OLFM1: variants seen among roughly 807,000 people sequenced by gnomAD.
The protein encoded by OLFM1 is olfactomedin 1.
OLFM1 carries 9 observed loss-of-function variants against 49.7 expected under a neutral mutation model. The observed-to-expected ratio is 0.18, with a 90% confidence interval of 0.11 to 0.32. OLFM1 has a LOEUF of 0.32. Among genes scored for constraint, OLFM1 ranks in the 10% least tolerant of loss-of-function variants. The pLI is 1.00. For missense variants in OLFM1, 369 were observed against 661.8 expected, an observed-to-expected ratio of 0.56 and a Z score of 4.85; for synonymous variants, 240 against 271.8, an observed-to-expected ratio of 0.88 and a Z score of 1.15.
rs886652718 is a variant in OLFM1, at chr9:135,120,354, G to A, written c.*176G>A. On this transcript the variant is annotated 3_prime_UTR_variant, in exon 6 of 6. Transcript: ENST00000371793. ...CCGTGTTTCTCCCTTTCGAGCCGGC[G>A]GGCCACAGACGTCGGAAGAAACTCC... 5.2e-5 allele frequency: 34 copies of A among 651,412 alleles called. No individual in the cohort carries two copies. In the Admixed American group the frequency reaches 6.8e-4, roughly 13 times the overall value. 40.4% of individuals were successfully genotyped at this position (651,412 alleles called of 1,614,324 possible). A position where few individuals can be genotyped will look rare whatever the true frequency, so the allele number is the denominator to read the frequency against.
chr9:135,081,419 C>T (rs764697899), intron 1 of OLFM1, among the ~76,000 whole-genome samples: 22 of 152,276 alleles, frequency 1.4e-4, no homozygotes, highest in South Asian at 2.1e-4. Context: ...TGTGTGGACA[C>T]GTGCACGGCC....
At chr9:135,105,117 A>G (rs1359793493) in intron 4 of OLFM1, among the ~76,000 whole-genome samples, 5 of 152,252 alleles carry the variant, frequency 3.3e-5, no homozygotes, top group Non-Finnish European at 5.9e-5. Context: ...CCCCACTGCC[A>G]GGAAGCCTCC....
chr9:135,082,041 C>T (rs1213636983), intron 1 of OLFM1, among the ~76,000 whole-genome samples: 2 of 152,218 alleles, frequency 1.3e-5, no homozygotes, highest in African/African-American at 4.8e-5. Flanking sequence ...AAAGCTCACG[C>T]CCCTGCCTGG....
upstream of OLFM1, chr9:135,087,378 G>A (rs1421630760): frequency 3.2e-6 from 5 of 1,547,190 alleles, no homozygotes; most frequent in Non-Finnish European, 3.5e-6. Flanking sequence ...GTGAGGATGG[G>A]AGAAGCCCCG....
Position 135,088,013 on chromosome 9 carries a change from C to A in OLFM1, c.24C>A (p.Ile8=). 4 of 1,456,502 alleles carry A rather than the reference C, an allele frequency of 2.7e-6. No homozygotes were observed. Among genetic ancestry groups the A allele is most frequent in the South Asian group, 1.3e-5 (1 of 75,038 alleles). The allele number at this position is 1,456,502 out of a possible 1,614,324, so 90.2% of individuals were successfully genotyped here. ...CGATGTCGGTGCCGCTGCTCAAGAT[C>A]GGGGTCGTGCTGAGCACCATGGCCA... The part of the protein sequence containing the change: MSVPLLK[I]GVVLSTMAMI... Residue 8 remains isoleucine, a synonymous_variant, in exon 1 of 6, where the codon ATC becomes ATA. Coordinates refer to ENST00000371793, the MANE Select transcript of OLFM1 (RefSeq NM_001282611.2). The surrounding 1 kb of genome is among the most constrained non-coding windows in gnomAD (Gnocchi z 4.8).
At position 135,096,007 on chromosome 9, in the gene OLFM1, C is replaced by A; in HGVS notation, c.444C>A (p.Ala148=). The change falls in exon 3 of 6, where the codon GCC becomes GCA. Residue 148 remains alanine (A), a synonymous_variant. Coordinates refer to ENST00000371793, the MANE Select transcript of OLFM1 (RefSeq NM_001282611.2). Reference sequence around the variant, plus strand: ...AGGAGAGTCATAAGCAACACCTGGCCAGGCAGTTTAAGGTATGCATGTTCC... The same window carrying A: ...AGGAGAGTCATAAGCAACACCTGGCAAGGCAGTTTAAGGTATGCATGTTCC... ...QVEESHKQHL[A]RQFKAIKAKM... 6.2e-7 allele frequency: 1 copy of A among 1,606,970 alleles called. No homozygotes were observed. Among genetic ancestry groups the A allele is most frequent in the Non-Finnish European group, 8.5e-7 (1 of 1,175,846 alleles).
At chr9:135,111,184 C>T (rs1313566146) in intron 5 of OLFM1, among the ~76,000 whole-genome samples, 2 of 152,222 alleles carry the variant, frequency 1.3e-5, no homozygotes, top group African/African-American at 4.8e-5. Flanking sequence ...TTCGGAGAAG[C>T]CTGGTCCCCT....
At chr9:135,105,798 C>T (rs577306768) in intron 4 of OLFM1, 1 of 152,430 alleles carries the variant, frequency 6.6e-6, no homozygotes, top group Admixed American at 6.5e-5. Context: ...CCTCTACCCT[C>T]CCCAGGAAAG....
At chr9:135,095,197 C>G (rs1191036902) in intron 2 of OLFM1, 1 of 152,184 alleles carries the variant, frequency 6.6e-6, no homozygotes, top group Non-Finnish European at 1.5e-5. Context: ...GTGATTGATT[C>G]CTGACTCTAT....
At chr9:135,095,792 G>C in intron 2 of OLFM1, 72 bp from the exon 3 acceptor site, 2 of 1,544,788 alleles carry the variant, frequency 1.3e-6, no homozygotes, top group Non-Finnish European at 1.8e-6. Context: ...GGCAATGTCT[G>C]TACGAGCAGG....
Position 135,098,212 on chromosome 9 carries a change from G to T in OLFM1, c.457-74G>T. On this transcript the variant is annotated intron_variant, in intron 3 of 5. Coordinates refer to ENST00000371793, the MANE Select transcript of OLFM1 (RefSeq NM_001282611.2). The surrounding 1 kb of genome is among the most constrained non-coding windows in gnomAD (Gnocchi z 5.6). ...ATATACACACTTTCCCTCACCTAGGGAGAAGCCAGGCCAAGGCAGGGTGTG... is the reference window on the plus strand; with the variant it reads ...ATATACACACTTTCCCTCACCTAGGTAGAAGCCAGGCCAAGGCAGGGTGTG... 6.4e-7 allele frequency: 1 copy of T among 1,562,620 alleles called. No homozygotes were observed. Among genetic ancestry groups the T allele is most frequent in the Non-Finnish European group, 8.7e-7 (1 of 1,146,420 alleles).
Position 135,098,294 on chromosome 9 carries a change from AG to A in OLFM1, c.466del (p.Ala156ArgfsTer9). On this transcript the variant is annotated frameshift_variant, in exon 4 of 6. Transcript: ENST00000371793. LOFTEE classifies it high-confidence loss of function. The surrounding 1 kb of genome is among the most constrained non-coding windows in gnomAD (Gnocchi z 5.6). ...HLARQFKAIK[A>X]KMDELRPLIP... is the part of the protein sequence containing the mutation. Reference sequence around the variant, plus strand: ...TTATTTTAACCTTGCAGGCGATAAAAGCGAAAATGGATGAACTTAGGCCTTT... The same window carrying A: ...TTATTTTAACCTTGCAGGCGATAAAACGAAAATGGATGAACTTAGGCCTTT... The A allele has an allele frequency of 6.2e-7, 1 of 1,613,658 alleles. No individual in the cohort carries two copies.
At position 135,117,029 on chromosome 9, in the gene OLFM1, G is replaced by A. The variant is rs1831105633; in HGVS notation, c.784-2475G>A. 6.6e-6 allele frequency among the ~76,000 whole-genome samples: 1 copy of A among 152,116 alleles called. No homozygotes were observed. Among genetic ancestry groups the A allele is most frequent in the South Asian group, 2.1e-4 (1 of 4,830 alleles). On this transcript the variant is annotated intron_variant, in intron 5 of 5. Coordinates refer to ENST00000371793, the MANE Select transcript of OLFM1 (RefSeq NM_001282611.2). The surrounding 1 kb of genome is among the most constrained non-coding windows in gnomAD (Gnocchi z 5.5). Reference sequence around the variant, plus strand: ...GCTCCCTCATCCTTAGTCTCCTGCAGCTCCAGAGCCCTCGACGGATAAAGC... The same window carrying A: ...GCTCCCTCATCCTTAGTCTCCTGCAACTCCAGAGCCCTCGACGGATAAAGC...
chr9:135,081,054 G>A (rs1050621324), intron 1 of OLFM1, among the ~76,000 whole-genome samples: 15 of 152,074 alleles, frequency 9.9e-5, no homozygotes, highest in Admixed American at 3.9e-4. Context: ...CAGGAATCCC[G>A]CCAGTGGCGA....
upstream of OLFM1, chr9:135,086,859 C>T: frequency 2.6e-6 from 1 of 379,456 alleles, no homozygotes; most frequent in Non-Finnish European, 5.2e-6. Flanking sequence ...CACACCCCTC[C>T]ACCACAGACC....
At chr9:135,109,119 ACTG>A (rs1830987250) in intron 5 of OLFM1, among the ~76,000 whole-genome samples, 1 of 151,834 alleles carries the variant, frequency 6.6e-6, no homozygotes, top group African/African-American at 2.4e-5. Flanking sequence ...CCAGGACTGG[ACTG>A]CTTTGTCTGT....
rs1830632541 is a variant in OLFM1, at chr9:135,088,446, G to A, written c.150+307G>A. 6.6e-6 allele frequency among the ~76,000 whole-genome samples: 1 copy of A among 152,034 alleles called. No individual in the cohort carries two copies. The highest frequency in any genetic ancestry group is 1.5e-5 in the Non-Finnish European group (1 of 67,966). On this transcript the variant is annotated intron_variant, in intron 1 of 5. Coordinates refer to ENST00000371793, the MANE Select transcript of OLFM1 (RefSeq NM_001282611.2). The surrounding 1 kb of genome is among the most constrained non-coding windows in gnomAD (Gnocchi z 4.8). ...GGGTTCTCGGAGGCTTGGAGTCCTG[G>A]GTCAGTAATCATGAGCCCCCCATTG...
Position 135,114,607 on chromosome 9 carries a change from C to T in OLFM1, c.784-4897C>T, listed in dbSNP as rs899693851. Among the ~76,000 whole-genome samples, 3 of 117,292 alleles carry T rather than the reference C, an allele frequency of 2.6e-5. No homozygotes were observed. The Admixed American group carries it at 2.8e-4, about 11-fold the overall frequency. 76.9% of individuals were successfully genotyped at this position (117,292 alleles called of 152,430 possible). ...GTGTGGCCTGGGGCAGGGATGGGGACGGGGTGGAGGGGCAGCTCCCGCAGG... is the reference window on the plus strand; with the variant it reads ...GTGTGGCCTGGGGCAGGGATGGGGATGGGGTGGAGGGGCAGCTCCCGCAGG... On this transcript the variant is annotated intron_variant, in intron 5 of 5. Transcript: ENST00000371793.
upstream of OLFM1, among the ~76,000 whole-genome samples, chr9:135,085,193 G>A (rs1830582146): frequency 6.6e-6 from 1 of 152,162 alleles, no homozygotes; most frequent in Non-Finnish European, 1.5e-5. Flanking sequence ...GCTCGTGCCA[G>A]GACTCAGAAA....
Sources: allele counts gnomAD v4.1 joint callset (sites outside exome capture counted in the v4.1 genomes callset), GRCh38; gene constraint gnomAD v4.1.1; non-coding constraint Gnocchi (gnomAD v3.1); transcripts MANE v1.5; gene names NCBI Gene and HGNC (gene_info 2026-07-23, HGNC 2026-07-21).